The following TCF12 variants were observed in gnomAD, a reference collection of about 807,000 sequenced individuals.
TCF12 encodes the protein DNA-binding protein HTF4.
A neutral mutation model predicts 86.0 loss-of-function variants in TCF12; 45 were observed. The observed-to-expected ratio is 0.52, with a 90% CI of 0.41 to 0.67. The LOEUF is 0.67. Among genes scored for constraint, TCF12 ranks in the 30% least tolerant of loss-of-function variants. TCF12 has a pLI of 0.00. For missense variants in TCF12, 881 were observed against 859.9 expected (o/e 1.02, Z -0.31); for synonymous variants, 330 against 299.6 (o/e 1.10, Z -1.05).
chr15:56,920,629 C>T (rs1291406198), intron 2 of TCF12, among the ~76,000 whole-genome samples: 3 of 151,996 alleles, frequency 2.0e-5, no homozygotes, highest in Admixed American at 6.6e-5. Flanking sequence ...AGCACCTATA[C>T]CTGCTTTATA....
intron 3 of TCF12, among the ~76,000 whole-genome samples, chr15:56,997,091 A>T (rs1408187199): frequency 6.6e-6 from 1 of 152,192 alleles, no homozygotes; most frequent in African/African-American, 2.4e-5. Flanking sequence ...TGGGAGTTGA[A>T]CTACCATTTG....
chr15:56,974,747 G>GT (rs2062515324), intron 3 of TCF12, among the ~76,000 whole-genome samples: 1 of 152,026 alleles, frequency 6.6e-6, no homozygotes, highest in Non-Finnish European at 1.5e-5. Context: ...ATGAGGCAGA[G>GT]TTAGGATTCC....
At chr15:57,069,077 A>G (rs2069148551) in intron 4 of TCF12, among the ~76,000 whole-genome samples, 1 of 152,118 alleles carries the variant, frequency 6.6e-6, no homozygotes, top group African/African-American at 2.4e-5. Context: ...TGCCTTTTTA[A>G]CTGTGTTAGC....
intron 5 of TCF12, among the ~76,000 whole-genome samples, chr15:57,165,538 A>AG (rs2054825654): frequency 6.9e-6 from 1 of 144,756 alleles, no homozygotes; most frequent in Non-Finnish European, 1.6e-5. Context: ...ATACTGTATT[A>AG]ATTTTTTTTT....
At chr15:57,238,803 AAGGAG>A (rs1429790104) in intron 12 of TCF12, among the ~76,000 whole-genome samples, 1 of 152,216 alleles carries the variant, frequency 6.6e-6, no homozygotes, top group Non-Finnish European at 1.5e-5. Flanking sequence ...GCTTGTAGTC[AAGGAG>A]AGAAGACAGA....
chr15:57,155,417 G>T (rs1185468822), intron 5 of TCF12, among the ~76,000 whole-genome samples: 1 of 152,110 alleles, frequency 6.6e-6, no homozygotes, highest in East Asian at 1.9e-4. Context: ...TCAAACATAG[G>T]ATGGCAGTAA....
chr15:57,014,992 A>T (rs2065068473), intron 3 of TCF12, among the ~76,000 whole-genome samples: 1 of 151,886 alleles, frequency 6.6e-6, no homozygotes, highest in Non-Finnish European at 1.5e-5. Context: ...ATCAACAGTT[A>T]CAAGTGCCTT....
intron 16 of TCF12, 136 bp downstream of exon 16, chr15:57,253,604 T>A: frequency 8.0e-6 from 8 of 1,002,858 alleles, no homozygotes; most frequent in Non-Finnish European, 1.2e-5. Context: ...TTACTGTCTT[T>A]GGCAGTAAAG....
intron 3 of TCF12, among the ~76,000 whole-genome samples, chr15:57,049,102 G>A (rs1046568107): frequency 6.6e-6 from 1 of 152,154 alleles, no homozygotes; most frequent in African/African-American, 2.4e-5. Flanking sequence ...CCGTGGGATG[G>A]AGGGAGAGGT....
intron 3 of TCF12, among the ~76,000 whole-genome samples, chr15:57,039,820 A>G (rs763842805): frequency 1.3e-5 from 2 of 152,162 alleles, no homozygotes; most frequent in Non-Finnish European, 2.9e-5. Flanking sequence ...AGTTACTAGT[A>G]ATATTCCTGC....
At chr15:57,161,446 G>T (rs1445136476) in intron 5 of TCF12, among the ~76,000 whole-genome samples, 1 of 152,130 alleles carries the variant, frequency 6.6e-6, no homozygotes, top group East Asian at 1.9e-4. Context: ...TTTAGTTTAG[G>T]TCAGAAAATG....
At chr15:57,002,287 T>C (rs1300317295) in intron 3 of TCF12, among the ~76,000 whole-genome samples, 2 of 152,172 alleles carry the variant, frequency 1.3e-5, no homozygotes, top group Admixed American at 1.3e-4. Context: ...TTCTTGCACA[T>C]CTTACTGTCC....
intron 4 of TCF12, among the ~76,000 whole-genome samples, chr15:57,087,840 G>T (rs757043637): frequency 6.6e-6 from 1 of 152,132 alleles, no homozygotes; most frequent in Non-Finnish European, 1.5e-5. Context: ...TGGCTAAAAG[G>T]CTGGTGTAAT....
chr15:57,018,181 G>A (rs2141227146), intron 3 of TCF12, among the ~76,000 whole-genome samples: 1 of 152,324 alleles, frequency 6.6e-6, no homozygotes, highest in Non-Finnish European at 1.5e-5. Context: ...AAGTTGCTCT[G>A]AATATACACA....
intron 5 of TCF12, among the ~76,000 whole-genome samples, chr15:57,140,068 A>G (rs1030945125): frequency 2.6e-5 from 4 of 152,304 alleles, no homozygotes; most frequent in Non-Finnish European, 5.9e-5. Context: ...ACCCAAAAGA[A>G]TTGAAAGCAA....
chr15:57,009,109 CT>C, intron 3 of TCF12, among the ~76,000 whole-genome samples: 1 of 152,090 alleles, frequency 6.6e-6, no homozygotes, highest in East Asian at 1.9e-4. Context: ...TTTGGTCCTG[CT>C]TTTTTGTTGT....
chr15:56,964,381 T>TTCAA (rs1435729376), intron 3 of TCF12, among the ~76,000 whole-genome samples: 1 of 152,228 alleles, frequency 6.6e-6, no homozygotes, highest in Non-Finnish European at 1.5e-5. Context: ...GCCTGCTGTT[T>TTCAA]TCAAGATCCT....
At chr15:56,958,177 C>T (rs1443978067) in intron 3 of TCF12, among the ~76,000 whole-genome samples, 3 of 152,106 alleles carry the variant, frequency 2.0e-5, no homozygotes, top group African/African-American at 4.8e-5. Flanking sequence ...TCTGCCCTGC[C>T]GACTCTATGA....
intron 3 of TCF12, among the ~76,000 whole-genome samples, chr15:57,014,841 G>A (rs1426766297): frequency 6.7e-6 from 1 of 150,274 alleles, no homozygotes; most frequent in Non-Finnish European, 1.5e-5. Flanking sequence ...GGGGTGGGGA[G>A]GTATAATGGT....
Sources: gnomAD v4.1 joint callset for allele counts (sites outside exome capture counted in the v4.1 genomes callset) on GRCh38, gnomAD v4.1.1 for gene constraint, MANE v1.5 for transcripts, NCBI Gene and HGNC (gene_info 2026-07-23, HGNC 2026-07-21) for gene names.